MAGI3: variants seen among roughly 807,000 people sequenced by gnomAD.
MAGI3 encodes membrane associated guanylate kinase, WW and PDZ domain containing 3.
In MAGI3, 43 loss-of-function variants were observed where a neutral mutation model predicts 121.8. The ratio of observed to expected loss-of-function variants is 0.35; its 90% CI spans 0.28 to 0.46. The LOEUF is 0.46. MAGI3 is among the 20% of genes least tolerant of loss of function. The probability of loss-of-function intolerance (pLI) is 1.00; values close to 1 mark genes in which losing one functional copy is unlikely to be tolerated. For synonymous variants in MAGI3, 553 were observed against 639.3 expected, an observed-to-expected ratio of 0.86 and a Z score of 2.04; for missense variants, 1,547 against 1,797.3, an observed-to-expected ratio of 0.86 and a Z score of 2.52.
At chr1:113,662,673 G>A (rs987156363) in intron 16 of MAGI3, among the ~76,000 whole-genome samples, 3 of 152,066 alleles carry the variant, frequency 2.0e-5, no homozygotes, top group African/African-American at 7.2e-5. Context: ...AAGCATTCTA[G>A]TATGTTTTAT....
intron 10 of MAGI3, among the ~76,000 whole-genome samples, chr1:113,642,984 G>A (rs1652632542): frequency 6.6e-6 from 1 of 152,228 alleles, no homozygotes; most frequent in Non-Finnish European, 1.5e-5. Context: ...CTGTTCTGCA[G>A]AGGCAATCAT....
intron 9 of MAGI3, among the ~76,000 whole-genome samples, chr1:113,627,794 GT>G (rs1651333885): frequency 6.6e-6 from 1 of 151,672 alleles, no homozygotes; most frequent in Non-Finnish European, 1.5e-5. Context: ...TCTTCTTGCA[GT>G]TTTTGTCTTA....
At chr1:113,454,384 C>CA in intron 1 of MAGI3, among the ~76,000 whole-genome samples, 1 of 152,162 alleles carries the variant, frequency 6.6e-6, no homozygotes, top group Non-Finnish European at 1.5e-5. Context: ...CCTGTCCGTA[C>CA]ATTTTAATTT....
rs1048601644 is a variant in MAGI3 at position 113,654,076 on chromosome 1, A to G, written c.2629+58A>G. Reference sequence around the variant, plus strand: ...GCAAGTCCAGTTTTCTGAGGCTCCCACTGGAGTTTATGAAATAATTAGGAG... The same window carrying G: ...GCAAGTCCAGTTTTCTGAGGCTCCCGCTGGAGTTTATGAAATAATTAGGAG... On this transcript the variant is annotated intron_variant, in intron 15 of 20. Transcript: ENST00000307546. 19 of 1,379,880 alleles carry G rather than the reference A, an allele frequency of 1.4e-5. No individual in the cohort carries two copies. In the South Asian group the frequency reaches 2.7e-4, roughly 20 times the overall value. 85.5% of individuals were successfully genotyped at this position (1,379,880 alleles called of 1,614,324 possible). A position where few individuals can be genotyped will look rare whatever the true frequency, so the allele number is the denominator to read the frequency against.
chr1:113,559,707 A>C (rs1048034189), intron 2 of MAGI3, among the ~76,000 whole-genome samples: 4 of 152,120 alleles, frequency 2.6e-5, no homozygotes, highest in Non-Finnish European at 5.9e-5. Context: ...AGCTGGGACT[A>C]TAGGTGCCCA....
intron 1 of MAGI3, among the ~76,000 whole-genome samples, chr1:113,441,859 T>G (rs1653932037): frequency 6.6e-6 from 1 of 152,210 alleles, no homozygotes. Flanking sequence ...AATTTTCTTT[T>G]TAATATTTAC....
At chr1:113,673,049 G>A (rs1026152774) in intron 18 of MAGI3, among the ~76,000 whole-genome samples, 2 of 152,098 alleles carry the variant, frequency 1.3e-5, no homozygotes, top group African/African-American at 4.8e-5. Flanking sequence ...TTAGTCAAAC[G>A]CTACTTAAAG....
intron 19 of MAGI3, 134 bp downstream of exon 19, chr1:113,673,599 A>T: frequency 2.2e-6 from 2 of 917,374 alleles, no homozygotes; most frequent in South Asian, 3.5e-5. Context: ...ACTGGTAGCT[A>T]AAAAAGGCAA....
Position 113,603,356 on chromosome 1 carries a change from C to G in MAGI3, c.1018+8796C>G, listed in dbSNP as rs1022756601. ...GAATCAGTAATTTAAAAATTGCCAA[C>G]AACAACAACAACAACAACAACAAAA... On this transcript the variant is annotated intron_variant, in intron 6 of 20. Transcript: ENST00000307546. Among the ~76,000 whole-genome samples the G allele has an allele frequency of 4.6e-5, 4 of 87,620 alleles. No homozygotes were observed. In the East Asian group the frequency reaches 9.4e-4, roughly 21 times the overall value. The allele number at this position is 87,620 out of a possible 152,430, so 57.5% of individuals were successfully genotyped here. A position where few individuals can be genotyped will look rare whatever the true frequency, so the allele number is the denominator to read the frequency against.
intron 1 of MAGI3, among the ~76,000 whole-genome samples, chr1:113,406,278 G>GAAA (rs764250269): frequency 1.3e-5 from 1 of 74,526 alleles, no homozygotes; most frequent in African/African-American, 4.9e-5. Flanking sequence ...TTTGTCTACA[G>GAAA]AAAAAAAAAA....
intron 2 of MAGI3, among the ~76,000 whole-genome samples, chr1:113,578,074 G>A (rs931344351): frequency 3.3e-5 from 5 of 152,166 alleles, no homozygotes; most frequent in African/African-American, 1.2e-4. Context: ...ATCATTGACA[G>A]CTCAACTGGA....
intron 1 of MAGI3, among the ~76,000 whole-genome samples, chr1:113,445,478 A>C (rs1654134430): frequency 6.6e-6 from 1 of 152,136 alleles, no homozygotes; most frequent in Admixed American, 6.5e-5. Context: ...GTGTGTTGGC[A>C]TGCACCTGTA....
intron 1 of MAGI3, among the ~76,000 whole-genome samples, chr1:113,423,930 C>G (rs561305030): frequency 2.3e-3 from 354 of 152,280 alleles, no homozygotes; most frequent in Non-Finnish European, 3.1e-3. Flanking sequence ...AGCGCCACCC[C>G]AAGTGCTTGC....
chr1:113,641,820 G>C, intron 9 of MAGI3, 91 bp from the exon 10 acceptor site: 1 of 1,228,090 alleles, frequency 8.1e-7, no homozygotes, highest in Non-Finnish European at 1.1e-6. Context: ...TTCAAATTTA[G>C]TTGCTAAATT....
chr1:113,438,020 C>T (rs766755670), intron 1 of MAGI3, among the ~76,000 whole-genome samples: 1 of 151,296 alleles, frequency 6.6e-6, no homozygotes, highest in Non-Finnish European at 1.5e-5. Flanking sequence ...TCTGGAACTC[C>T]TGTGCTCAAG....
intron 9 of MAGI3, among the ~76,000 whole-genome samples, chr1:113,628,743 C>CT (rs1210491159): frequency 6.6e-6 from 1 of 152,178 alleles, no homozygotes; most frequent in Non-Finnish European, 1.5e-5. Flanking sequence ...ATGCCACTCT[C>CT]TCCTGCCCTG....
At chr1:113,654,121 G>T in intron 15 of MAGI3, 103 bp downstream of exon 15, 1 of 890,990 alleles carries the variant, frequency 1.1e-6, no homozygotes, top group Non-Finnish European at 1.7e-6. Flanking sequence ...AAATGCCTTA[G>T]GTACTTATCT....
chr1:113,531,152 T>A (rs1658700731), intron 1 of MAGI3, among the ~76,000 whole-genome samples: 1 of 152,168 alleles, frequency 6.6e-6, no homozygotes, highest in Non-Finnish European at 1.5e-5. Context: ...TCTTTTTTTT[T>A]AAGTTAATTT....
At chr1:113,506,865 A>G (rs578127795) in intron 1 of MAGI3, among the ~76,000 whole-genome samples, 3 of 152,250 alleles carry the variant, frequency 2.0e-5, no homozygotes, top group African/African-American at 7.2e-5. Context: ...TCGATGTACT[A>G]GCTTTGGTGC....
Sources: gnomAD v4.1 joint callset for allele counts (sites outside exome capture counted in the v4.1 genomes callset) on GRCh38, gnomAD v4.1.1 for gene constraint, MANE v1.5 for transcripts, NCBI Gene and HGNC (gene_info 2026-07-23, HGNC 2026-07-21) for gene names.